LRRK2: variants seen among roughly 807,000 people sequenced by gnomAD.
LRRK2 encodes the protein leucine rich repeat kinase 2.
Under a neutral mutation model 302.6 loss-of-function variants are expected in LRRK2, and 203 were observed. That is an observed-to-expected ratio of 0.67 (90% CI 0.60 to 0.75). LRRK2 has a LOEUF of 0.75. Among genes scored for constraint, LRRK2 ranks in the 30% least tolerant of loss-of-function variants. The pLI, the probability that LRRK2 is intolerant of heterozygous loss-of-function variation, is 0.00. For synonymous variants in LRRK2, 1,066 were observed against 1,031.9 expected, an observed-to-expected ratio of 1.03 and a Z score of -0.63; for missense variants, 2,830 against 2,951.0, an observed-to-expected ratio of 0.96 and a Z score of 0.95.
At chr12:40,255,534 T>TA (rs1942464744) in intron 11 of LRRK2, among the ~76,000 whole-genome samples, 1 of 152,230 alleles carries the variant, frequency 6.6e-6, no homozygotes, top group Non-Finnish European at 1.5e-5. Context: ...CACATTGGGT[T>TA]ACTGTCTAGG....
intron 4 of LRRK2, among the ~76,000 whole-genome samples, chr12:40,237,556 T>C (rs2249281): frequency 0.94 from 142,815 of 152,208 alleles, 67,670 homozygotes; most frequent in East Asian, 1. Flanking sequence ...GAAGATGACT[T>C]AGGAGTTTCT....
chr12:40,226,614 A>T (rs1491943), intron 2 of LRRK2, among the ~76,000 whole-genome samples: 13,129 of 152,218 alleles, frequency 0.086, 713 homozygotes, highest in Admixed American at 0.14. Flanking sequence ...ATATGAGGAC[A>T]TTTACATCTG....
intron 20 of LRRK2, among the ~76,000 whole-genome samples, chr12:40,290,534 G>C (rs1376498685): frequency 6.6e-6 from 1 of 151,988 alleles, no homozygotes; most frequent in Non-Finnish European, 1.5e-5. Flanking sequence ...ATTTTTGTGA[G>C]GAGGAGATTT....
chr12:40,350,252 G>A (rs1022817471), intron 43 of LRRK2, among the ~76,000 whole-genome samples: 3 of 152,066 alleles, frequency 2.0e-5, no homozygotes, highest in Non-Finnish European at 4.4e-5. Context: ...TCTCCCATGG[G>A]CCCCACAAAG....
At position 40,309,109 on chromosome 12, in the gene LRRK2, G is replaced by A. The variant is rs7133914; in HGVS notation, c.4193G>A (p.Arg1398His). Residue 1398 changes from arginine to histidine, a missense_variant, in exon 30 of 51, where the codon CGT (arginine) becomes CAT (histidine). By Grantham distance (29) the Arg-to-His change is conservative. Around this residue, in one of 3 missense-constraint regions of LRRK2, gnomAD observed 2,121 missense variants for 2,148.0 expected, o/e 0.99. Transcript: ENST00000298910. ...LVLNVWDFAG[R>H]EEFYSTHPHF... ...TTTGTCTCTAATCTTTATTTAGGTC[G>A]TGAGGAATTCTATAGTACTCATCCC... The A allele has an allele frequency of 0.075, 121,112 of 1,612,476 alleles. 5,310 individuals carry two copies. The highest frequency in any genetic ancestry group is 0.15 in the Admixed American group (8,907 of 59,904).
intron 20 of LRRK2, among the ~76,000 whole-genome samples, chr12:40,290,682 T>A (rs898505834): frequency 1.3e-5 from 2 of 152,128 alleles, no homozygotes; most frequent in Non-Finnish European, 2.9e-5. Context: ...TTGTTTAATG[T>A]TACTTATAGC....
intron 13 of LRRK2, 73 bp downstream of exon 13, chr12:40,259,677 A>G: frequency 6.4e-7 from 1 of 1,566,270 alleles, no homozygotes; most frequent in East Asian, 2.3e-5. Flanking sequence ...AAATAGCAAT[A>G]TTCTAGGCAA....
rs1376599342 is a variant in LRRK2, at chr12:40,368,494, A to G, written c.*729A>G. 3 of 151,696 alleles carry G rather than the reference A, an allele frequency of 2.0e-5. No homozygotes were observed. The highest frequency in any genetic ancestry group is 6.6e-5 in the Admixed American group (1 of 15,168). The allele number at this position is 151,696 out of a possible 1,614,324, so 9.4% of individuals were successfully genotyped here. A position where few individuals can be genotyped will look rare whatever the true frequency, so the allele number is the denominator to read the frequency against. On this transcript the variant is annotated 3_prime_UTR_variant, in exon 51 of 51. Coordinates refer to ENST00000298910, the MANE Select transcript of LRRK2 (RefSeq NM_198578.4). ...CTAGACATAATAGAGTTGTTTTTCA[A>G]CTCTATGTTTGAATGTGGATACCCT...
intron 43 of LRRK2, among the ~76,000 whole-genome samples, chr12:40,350,065 G>A (rs1310056100): frequency 6.6e-5 from 10 of 152,124 alleles, no homozygotes; most frequent in Admixed American, 4.6e-4. Flanking sequence ...CCCTCTCCCC[G>A]CTCCCTGCAC....
chr12:40,251,924 A>G (rs1273239356), intron 10 of LRRK2, among the ~76,000 whole-genome samples: 1 of 152,208 alleles, frequency 6.6e-6, no homozygotes, highest in Non-Finnish European at 1.5e-5. Context: ...GGTTGTCAAT[A>G]TCAGAAATTA....
chr12:40,284,663 T>C (rs1235641708), intron 19 of LRRK2, among the ~76,000 whole-genome samples: 4 of 152,184 alleles, frequency 2.6e-5, no homozygotes, highest in Middle Eastern at 3.2e-3. Context: ...GTACATATTA[T>C]GTGTATTGAT....
In LRRK2 at chr12:40,257,378, G is replaced by A; in HGVS notation, c.1418+1G>A. 6.2e-7 allele frequency: 1 copy of A among 1,612,082 alleles called. No homozygotes were observed. Among genetic ancestry groups the A allele is most frequent in the Non-Finnish European group, 8.5e-7 (1 of 1,178,690 alleles). On this transcript the variant is annotated splice_donor_variant, in intron 12 of 50. Coordinates refer to ENST00000298910, the MANE Select transcript of LRRK2 (RefSeq NM_198578.4). LOFTEE classifies it high-confidence loss of function. ...TGCTAAATCATCTTTTTGAAGGAAG[G>A]TAATATAGATTCATTAACTTGTACA...
At chr12:40,228,636 C>A (rs1316832850) in intron 2 of LRRK2, among the ~76,000 whole-genome samples, 1 of 151,858 alleles carries the variant, frequency 6.6e-6, no homozygotes, top group Non-Finnish European at 1.5e-5. Context: ...GTTGTAATTG[C>A]CTGTGCTTTT....
At chr12:40,314,940 G>T (rs1945166975) in intron 32 of LRRK2, among the ~76,000 whole-genome samples, 2 of 151,990 alleles carry the variant, frequency 1.3e-5, no homozygotes, top group African/African-American at 4.8e-5. Flanking sequence ...AGAAAATTAT[G>T]AATTTCTACT....
At chr12:40,239,327 G>C (rs1272360735) in intron 5 of LRRK2, among the ~76,000 whole-genome samples, 1 of 152,150 alleles carries the variant, frequency 6.6e-6, no homozygotes, top group Admixed American at 6.6e-5. Flanking sequence ...AATTCCTTCA[G>C]GCTGTCATGT....
At chr12:40,331,996 A>C (rs905033054) in intron 39 of LRRK2, among the ~76,000 whole-genome samples, 1 of 152,110 alleles carries the variant, frequency 6.6e-6, no homozygotes, top group Non-Finnish European at 1.5e-5. Flanking sequence ...ACCTCTTTTG[A>C]GTACTTGTAT....
chr12:40,274,869 G>A lies in LRRK2; in HGVS notation c.1817G>A (p.Gly606Asp), dbSNP rs138717506. Residue 606 changes from glycine (G) to aspartate (D), a missense_variant, in exon 16 of 51, where the codon GGT (glycine) becomes GAT (aspartate). By Grantham distance (94) the Gly-to-Asp change is moderately conservative. Transcript: ENST00000298910. ...ATTTTCCTAGAAATTCAGTGTCTGGGTTTAAGTCTTATAGGATACTTGATT... is the reference window on the plus strand; with the variant it reads ...ATTTTCCTAGAAATTCAGTGTCTGGATTTAAGTCTTATAGGATACTTGATT... ...YPDDQEIQCLGLSLIGYLITK... is the reference protein window; with the variant it reads ...YPDDQEIQCLDLSLIGYLITK... 28 of 1,611,338 alleles carry A rather than the reference G, an allele frequency of 1.7e-5. No homozygotes were observed. The highest frequency in any genetic ancestry group is 2.2e-5 in the South Asian group (2 of 91,004).
At chr12:40,325,186 G>T (rs1324738126) in intron 38 of LRRK2, among the ~76,000 whole-genome samples, 1 of 152,164 alleles carries the variant, frequency 6.6e-6, no homozygotes, top group Non-Finnish European at 1.5e-5. Flanking sequence ...TACTCGGGAG[G>T]CTGAGGCAGA....
At chr12:40,306,548 A>G (rs1944831759) in intron 28 of LRRK2, among the ~76,000 whole-genome samples, 2 of 152,092 alleles carry the variant, frequency 1.3e-5, no homozygotes, top group South Asian at 4.1e-4. Flanking sequence ...GTTCCCTTTC[A>G]GCACATCGGT....
Sources: allele counts gnomAD v4.1 joint callset (sites outside exome capture counted in the v4.1 genomes callset), GRCh38; gene constraint gnomAD v4.1.1; regional missense constraint gnomAD v4.1.1; transcripts MANE v1.5; gene names NCBI Gene and HGNC (gene_info 2026-07-23, HGNC 2026-07-21).